Variants in WWOX observed in about 807,000 individuals in gnomAD.
WWOX encodes WW domain containing oxidoreductase, also known as WW domain-containing oxidoreductase.
Under a neutral mutation model 46.2 loss-of-function variants are expected in WWOX, and 69 were observed. That is an observed-to-expected ratio of 1.49 (90% CI 1.23 to 1.82). The LOEUF is 1.82. Among genes scored for constraint, WWOX ranks in the 40% most tolerant of loss-of-function variants. The pLI, the probability that WWOX is intolerant of heterozygous loss-of-function variation, is 0.00. For missense variants in WWOX, 919 were observed against 542.6 expected, an observed-to-expected ratio of 1.69 and a Z score of -6.89; for synonymous variants, 359 against 202.6, an observed-to-expected ratio of 1.77 and a Z score of -6.56.
At chr16:78,429,602 C>A (rs545587445) in intron 7 of WWOX, among the ~76,000 whole-genome samples, 24 of 152,214 alleles carry the variant, frequency 1.6e-4, no homozygotes, top group African/African-American at 5.5e-4. Context: ...CTCTCTAAAT[C>A]CTTGTCCCTG....
At position 78,133,021 on chromosome 16, in the gene WWOX, A is replaced by T. The variant is rs546933823; in HGVS notation, c.409+17867A>T. 2.6e-5 allele frequency among the ~76,000 whole-genome samples: 4 copies of T among 152,284 alleles called. No individual in the cohort carries two copies. The South Asian group carries it at 8.3e-4, about 32-fold the overall frequency. Reference sequence around the variant, plus strand: ...ATGTTTCTGGATGGTATTTGGATCTACAAATTCCAAGCAAACTTTTTACTT... The same window carrying T: ...ATGTTTCTGGATGGTATTTGGATCTTCAAATTCCAAGCAAACTTTTTACTT... On this transcript the variant is annotated intron_variant, in intron 4 of 8. Coordinates refer to ENST00000566780, the MANE Select transcript of WWOX (RefSeq NM_016373.4).
At chr16:78,318,004 C>T (rs1485199127) in intron 5 of WWOX, among the ~76,000 whole-genome samples, 1 of 152,122 alleles carries the variant, frequency 6.6e-6, no homozygotes. Context: ...GAAAAGGTTC[C>T]ACAGTATTTG....
chr16:78,353,956 ACCT>A (rs560720445), intron 5 of WWOX, among the ~76,000 whole-genome samples: 285 of 152,062 alleles, frequency 1.9e-3, no homozygotes, highest in African/African-American at 6.7e-3. Flanking sequence ...CTAATTGTTC[ACCT>A]CCATCGCTTT....
At chr16:79,111,061 C>A (rs2049407257) in intron 8 of WWOX, among the ~76,000 whole-genome samples, 1 of 152,168 alleles carries the variant, frequency 6.6e-6, no homozygotes, top group African/African-American at 2.4e-5. Flanking sequence ...CATTTGTACC[C>A]TTAACACCCA....
intron 8 of WWOX, among the ~76,000 whole-genome samples, chr16:78,590,752 A>C (rs1391263442): frequency 1.3e-5 from 2 of 152,190 alleles, no homozygotes; most frequent in African/African-American, 2.4e-5. Context: ...AGATGGGATC[A>C]GTGCCAGGTC....
intron 8 of WWOX, among the ~76,000 whole-genome samples, chr16:78,679,916 A>G (rs1050767911): frequency 6.6e-6 from 1 of 152,144 alleles, no homozygotes; most frequent in Non-Finnish European, 1.5e-5. Flanking sequence ...TCCGTAACCA[A>G]TGGCAGCTGA....
chr16:78,900,140 G>A (rs138934254), intron 8 of WWOX, among the ~76,000 whole-genome samples: 64 of 136,324 alleles, frequency 4.7e-4, no homozygotes, highest in African/African-American at 1.6e-3. Context: ...TTTTTTAAAT[G>A]AAGGAGTCAG....
At chr16:78,491,180 A>G (rs919985828) in intron 8 of WWOX, among the ~76,000 whole-genome samples, 2 of 152,130 alleles carry the variant, frequency 1.3e-5, no homozygotes, top group Admixed American at 6.5e-5. Context: ...TTGGCCTCAT[A>G]TCTTCCACAA....
chr16:79,073,549 C>T (rs1177878956), intron 8 of WWOX, among the ~76,000 whole-genome samples: 5 of 152,110 alleles, frequency 3.3e-5, no homozygotes, highest in African/African-American at 7.2e-5. Context: ...CTACAGACAG[C>T]CGTAGACTTT....
intron 8 of WWOX, among the ~76,000 whole-genome samples, chr16:78,662,779 G>C (rs546401708): frequency 1.3e-5 from 2 of 152,284 alleles, no homozygotes; most frequent in African/African-American, 4.8e-5. Flanking sequence ...TTGTTGGCAA[G>C]ATGTAGTGTT....
At chr16:78,588,326 A>G (rs2045268139) in intron 8 of WWOX, among the ~76,000 whole-genome samples, 1 of 152,198 alleles carries the variant, frequency 6.6e-6, no homozygotes, top group African/African-American at 2.4e-5. Flanking sequence ...TGGCTATTGC[A>G]TTTAATTCCC....
chr16:78,104,657 G>A (rs1466058219), intron 1 of WWOX, among the ~76,000 whole-genome samples: 2 of 151,982 alleles, frequency 1.3e-5, no homozygotes, highest in East Asian at 1.9e-4. Context: ...AATCAAAGAC[G>A]GCTTCTATTT....
intron 8 of WWOX, among the ~76,000 whole-genome samples, chr16:78,837,167 A>G (rs2052009951): frequency 6.6e-6 from 1 of 152,236 alleles, no homozygotes; most frequent in African/African-American, 2.4e-5. Context: ...AAAAATGTTT[A>G]GCTGCATGTA....
intron 8 of WWOX, among the ~76,000 whole-genome samples, chr16:78,808,347 T>A (rs1163878637): frequency 6.6e-6 from 1 of 152,230 alleles, no homozygotes; most frequent in African/African-American, 2.4e-5. Context: ...TGCAAGTATT[T>A]TATTCTAGGT....
intron 8 of WWOX, among the ~76,000 whole-genome samples, chr16:78,932,797 G>T (rs2045652587): frequency 6.6e-6 from 1 of 152,200 alleles, no homozygotes; most frequent in Non-Finnish European, 1.5e-5. Flanking sequence ...CTGGTCCCAA[G>T]CCCCTCCTGT....
intron 5 of WWOX, among the ~76,000 whole-genome samples, chr16:78,301,833 CT>C (rs2080047030): frequency 6.6e-6 from 1 of 152,094 alleles, no homozygotes; most frequent in African/African-American, 2.4e-5. Flanking sequence ...AGGACTGAGC[CT>C]TTCTTCCACC....
In WWOX at chr16:79,212,356, C is replaced by CAGAGGGAGTAGA. The variant is rs2051794338; in HGVS notation, c.*562_*573dup. On this transcript the variant is annotated 3_prime_UTR_variant, in exon 9 of 9. Coordinates refer to ENST00000566780, the MANE Select transcript of WWOX (RefSeq NM_016373.4). Reference sequence around the variant, plus strand: ...AGCCAGTGAGGATGACAGTGACACCCAGAGGGAGTAGAATACGCAGAACTA... The same window carrying CAGAGGGAGTAGA: ...AGCCAGTGAGGATGACAGTGACACCCAGAGGGAGTAGAAGAGGGAGTAGAATACGCAGAACTA... 1 of 592,716 alleles carries CAGAGGGAGTAGA rather than the reference C, an allele frequency of 1.7e-6. No individual in the cohort carries two copies. The allele number at this position is 592,716 out of a possible 1,614,324, so 36.7% of individuals were successfully genotyped here. A position where few individuals can be genotyped will look rare whatever the true frequency, so the allele number is the denominator to read the frequency against.
intron 8 of WWOX, among the ~76,000 whole-genome samples, chr16:78,556,044 G>C (rs1022807361): frequency 2.6e-5 from 4 of 152,042 alleles, no homozygotes; most frequent in African/African-American, 7.3e-5. Flanking sequence ...CCAGGCCCGG[G>C]CTATTAATCA....
At chr16:78,607,187 A>G (rs1340830959) in intron 8 of WWOX, among the ~76,000 whole-genome samples, 3 of 152,216 alleles carry the variant, frequency 2.0e-5, no homozygotes, top group Non-Finnish European at 4.4e-5. Context: ...CACAGTTAAT[A>G]AAATACTTCA....
Sources: gnomAD v4.1 joint callset for allele counts (sites outside exome capture counted in the v4.1 genomes callset) on GRCh38, gnomAD v4.1.1 for gene constraint, MANE v1.5 for transcripts, NCBI Gene and HGNC (gene_info 2026-07-23, HGNC 2026-07-21) for gene names.